The following FRMD4A variants were observed in gnomAD, a reference collection of about 807,000 sequenced individuals.
FRMD4A encodes the protein FERM domain containing 4A.
Under a neutral mutation model 129.1 loss-of-function variants are expected in FRMD4A, and 29 were observed. The observed-to-expected ratio is 0.22, with a 90% CI of 0.17 to 0.31. The LOEUF (loss-of-function observed/expected upper bound fraction) is 0.31, where lower values mean the gene tolerates loss of function less well. Ranked by LOEUF, FRMD4A falls within the 10% of genes least tolerant of loss-of-function variation. The pLI is 1.00. For synonymous variants in FRMD4A, 634 were observed against 571.6 expected, an observed-to-expected ratio of 1.11 and a Z score of -1.56; for missense variants, 1,272 against 1,375.8, an observed-to-expected ratio of 0.92 and a Z score of 1.19.
intron 2 of FRMD4A, among the ~76,000 whole-genome samples, chr10:14,151,356 C>T (rs1001512506): frequency 7.2e-5 from 11 of 152,130 alleles, no homozygotes; most frequent in Non-Finnish European, 1.2e-4. Context: ...ATGTTCTTTG[C>T]AGCAACACTG....
At position 14,016,260 on chromosome 10, in the gene FRMD4A, T is replaced by C. The variant is rs533758789; in HGVS notation, c.46-157348A>G. On this transcript the variant is annotated intron_variant, in intron 2 of 24. Transcript: ENST00000357447. ...CCAGAATCTCACTAAATCTTTATCA[T>C]AGCAAGCATCAATCACTCAATCTTC... is the stretch of plus-strand genomic sequence containing the variant. Among the ~76,000 whole-genome samples, 131 of 152,226 alleles carry C rather than the reference T, an allele frequency of 8.6e-4. 2 individuals are homozygous for C. Among genetic ancestry groups the C allele is most frequent in the African/African-American group, 3.0e-3 (126 of 41,544 alleles).
At chr10:14,272,153 G>T (rs1845182962) in intron 2 of FRMD4A, among the ~76,000 whole-genome samples, 1 of 152,106 alleles carries the variant, frequency 6.6e-6, no homozygotes, top group Non-Finnish European at 1.5e-5. Flanking sequence ...CTCATGTAAA[G>T]GTCAATGCAG....
rs75055552 is a variant in FRMD4A at position 14,246,702 on chromosome 10, GAA to G, written c.45+83354_45+83355del. Among the ~76,000 whole-genome samples the G allele has an allele frequency of 4.8e-3, 731 of 152,252 alleles. 15 individuals carry two copies. The East Asian group carries it at 0.065, about 14-fold the overall frequency. On this transcript the variant is annotated intron_variant, in intron 2 of 24. Transcript: ENST00000357447. ...TTTGACTAAACACCAGGTCTGCCAGGAAAAAGTGTTTAACGCCATCCCCAAAG... is the reference window on the plus strand; with the variant it reads ...TTTGACTAAACACCAGGTCTGCCAGGAAAGTGTTTAACGCCATCCCCAAAG...
At chr10:13,874,279 T>C (rs1276988300) in intron 2 of FRMD4A, among the ~76,000 whole-genome samples, 1 of 147,828 alleles carries the variant, frequency 6.8e-6, no homozygotes, top group Non-Finnish European at 1.5e-5. Flanking sequence ...GAGGAATTGC[T>C]GAACAATTCA....
chr10:13,682,152 G>T (rs757182263), intron 15 of FRMD4A, among the ~76,000 whole-genome samples: 1 of 152,084 alleles, frequency 6.6e-6, no homozygotes, highest in Non-Finnish European at 1.5e-5. Context: ...TCAGCAGAGG[G>T]TGTTGAGGCT....
At position 14,105,383 on chromosome 10, in the gene FRMD4A, T is replaced by A. The variant is rs1837534778; in HGVS notation, c.45+224675A>T. Among the ~76,000 whole-genome samples, 2 of 151,936 alleles carry A rather than the reference T, an allele frequency of 1.3e-5. 1 individual carries two copies. Among genetic ancestry groups the A allele is most frequent in the South Asian group, 4.2e-4 (2 of 4,814 alleles). On this transcript the variant is annotated intron_variant, in intron 2 of 24. Transcript: ENST00000357447. ...GAGTTTGAGACTAACCTGGGCAACA[T>A]AGCAAGACCCCATCTCCACAAAAAC...
intron 2 of FRMD4A, chr10:14,326,889 A>C (rs1170269066): frequency 2.5e-6 from 1 of 398,538 alleles, no homozygotes; most frequent in Non-Finnish European, 4.4e-6. Context: ...AAGATGGGAG[A>C]GGCAGCTTTT....
At chr10:14,047,473 G>C (rs906052252) in intron 2 of FRMD4A, among the ~76,000 whole-genome samples, 5 of 152,196 alleles carry the variant, frequency 3.3e-5, no homozygotes, top group Non-Finnish European at 7.3e-5. Flanking sequence ...GCCAGAGGCT[G>C]ATGGAGGATT....
At chr10:13,686,828 CTCATT>C (rs1292805387) in intron 15 of FRMD4A, among the ~76,000 whole-genome samples, 3 of 152,212 alleles carry the variant, frequency 2.0e-5, no homozygotes, top group Non-Finnish European at 4.4e-5. Flanking sequence ...GCCTCATCAT[CTCATT>C]TAAGAAATGC....
intron 6 of FRMD4A, 40 bp downstream of exon 6, chr10:13,782,882 T>C (rs1169002618): frequency 2.3e-6 from 2 of 884,862 alleles, no homozygotes; most frequent in Non-Finnish European, 3.9e-6. Context: ...AATGATACTT[T>C]CAGGTTTCAG....
At chr10:14,275,510 CA>C (rs1845307531) in intron 2 of FRMD4A, among the ~76,000 whole-genome samples, 1 of 152,138 alleles carries the variant, frequency 6.6e-6, no homozygotes, top group African/African-American at 2.4e-5. Flanking sequence ...AAATGTTAGG[CA>C]GTGCAAAGAA....
intron 2 of FRMD4A, among the ~76,000 whole-genome samples, chr10:13,980,596 C>T (rs2095557131): frequency 6.6e-6 from 1 of 151,928 alleles, no homozygotes; most frequent in Non-Finnish European, 1.5e-5. Flanking sequence ...CTGGGGGAGC[C>T]TAAGTCCCAG....
chr10:14,056,711 A>G (rs972415393), intron 2 of FRMD4A, among the ~76,000 whole-genome samples: 4 of 152,096 alleles, frequency 2.6e-5, no homozygotes, highest in African/African-American at 9.7e-5. Flanking sequence ...CTCATCTTTC[A>G]GCCTATGGAG....
intron 2 of FRMD4A, among the ~76,000 whole-genome samples, chr10:14,055,800 A>C (rs1257310344): frequency 5.3e-5 from 8 of 152,126 alleles, no homozygotes; most frequent in Non-Finnish European, 1.5e-5. Flanking sequence ...TGGGGTGTCC[A>C]ACCCCTCAAG....
intron 2 of FRMD4A, among the ~76,000 whole-genome samples, chr10:13,942,984 G>A (rs988307043): frequency 6.6e-6 from 1 of 152,130 alleles, no homozygotes; most frequent in Non-Finnish European, 1.5e-5. Context: ...TTTTCCTTGA[G>A]AGAAGCAAGA....
At chr10:13,717,658 G>GCA (rs2088949457) in intron 12 of FRMD4A, among the ~76,000 whole-genome samples, 1 of 147,338 alleles carries the variant, frequency 6.8e-6, no homozygotes, top group African/African-American at 2.5e-5. Context: ...GACTACTTTG[G>GCA]AGGACAGGCT....
At chr10:13,829,099 C>G (rs952670813) in intron 3 of FRMD4A, among the ~76,000 whole-genome samples, 1 of 152,336 alleles carries the variant, frequency 6.6e-6, no homozygotes, top group East Asian at 1.9e-4. Context: ...ATTCCCCTTT[C>G]TCCACATCCA....
rs1000481471 is a variant in FRMD4A, at chr10:13,676,857, C to T, written c.1118-1813G>A. Among the ~76,000 whole-genome samples, 5 of 152,120 alleles carry T rather than the reference C, an allele frequency of 3.3e-5. 1 individual carries two copies. The highest frequency in any genetic ancestry group is 3.3e-4 in the Admixed American group (5 of 15,276). On this transcript the variant is annotated intron_variant, in intron 15 of 24. Transcript: ENST00000357447. ...TCAATCAATGCAATCCCAGTAAAACCTTGGCAGGACTTTTGGTAGGAAGAT... is the reference window on the plus strand; with the variant it reads ...TCAATCAATGCAATCCCAGTAAAACTTTGGCAGGACTTTTGGTAGGAAGAT...
At chr10:13,941,948 G>T (rs375094616) in intron 2 of FRMD4A, among the ~76,000 whole-genome samples, 64 of 152,258 alleles carry the variant, frequency 4.2e-4, no homozygotes, top group African/African-American at 1.5e-3. Flanking sequence ...CCCTGAGTCT[G>T]GGAGGTGCCC....
Sources: allele counts gnomAD v4.1 joint callset (sites outside exome capture counted in the v4.1 genomes callset), GRCh38; gene constraint gnomAD v4.1.1; transcripts MANE v1.5; gene names NCBI Gene and HGNC (gene_info 2026-07-23, HGNC 2026-07-21).